SLC17A5: variants seen among roughly 807,000 people sequenced by gnomAD.
The protein encoded by SLC17A5 is sialin.
In SLC17A5, 47 loss-of-function variants were observed where a neutral mutation model predicts 59.4. The observed-to-expected ratio is 0.79, with a 90% CI of 0.63 to 1.01. SLC17A5 has a LOEUF of 1.01. Among genes scored for constraint, SLC17A5 ranks in the 50% least tolerant of loss-of-function variants. The pLI is 0.00. For synonymous variants in SLC17A5, 202 were observed against 210.7 expected, an observed-to-expected ratio of 0.96 and a Z score of 0.36; for missense variants, 522 against 595.5, an observed-to-expected ratio of 0.88 and a Z score of 1.28.
chr6:73,611,203 C>T (rs1767624681), intron 8 of SLC17A5, among the ~76,000 whole-genome samples: 2 of 152,186 alleles, frequency 1.3e-5, no homozygotes, highest in Non-Finnish European at 2.9e-5. Context: ...GCTATGATGG[C>T]ACCACTGCAC....
intron 6 of SLC17A5, among the ~76,000 whole-genome samples, chr6:73,628,915 C>T (rs749676868): frequency 6.6e-6 from 1 of 152,056 alleles, no homozygotes; most frequent in Non-Finnish European, 1.5e-5. Context: ...TTTTTCTTGT[C>T]AAATGCAAGT....
intron 9 of SLC17A5, among the ~76,000 whole-genome samples, chr6:73,607,627 AG>A (rs1346635151): frequency 6.6e-5 from 10 of 152,158 alleles, no homozygotes; most frequent in East Asian, 5.8e-4. Context: ...TCAAGAGAGC[AG>A]GGGGGGCCCT....
intron 1 of SLC17A5, chr6:73,645,668 G>A (rs1456695151): frequency 5.6e-6 from 1 of 177,596 alleles, no homozygotes; most frequent in Non-Finnish European, 1.1e-5. Flanking sequence ...GGCGCCTGTA[G>A]TCCCAGCTAC....
intron 3 of SLC17A5, among the ~76,000 whole-genome samples, chr6:73,639,255 T>C (rs745450212): frequency 1.3e-5 from 2 of 152,180 alleles, no homozygotes; most frequent in African/African-American, 2.4e-5. Context: ...ACGGCTCTCC[T>C]TGGACACTCT....
At chr6:73,596,255 C>T (rs1766794683) in intron 10 of SLC17A5, among the ~76,000 whole-genome samples, 1 of 152,150 alleles carries the variant, frequency 6.6e-6, no homozygotes, top group African/African-American at 2.4e-5. Flanking sequence ...TGCACGGTCT[C>T]CTGGGTTCTC....
At position 73,593,776 on chromosome 6, in the gene SLC17A5, T is replaced by C. The variant is rs1299095671; in HGVS notation, c.*1301A>G. On this transcript the variant is annotated 3_prime_UTR_variant, in exon 11 of 11. Coordinates refer to ENST00000355773, the MANE Select transcript of SLC17A5 (RefSeq NM_012434.5). ...AAAATTCTCGTGTAGCTTAAAAACA[T>C]AGAACAGGCTGGGCACAGTGGCTCA... The C allele has an allele frequency of 1.3e-5, 2 of 152,028 alleles. No individual in the cohort carries two copies. Among genetic ancestry groups the C allele is most frequent in the Admixed American group, 1.3e-4 (2 of 15,258 alleles). 9.4% of individuals were successfully genotyped at this position (152,028 alleles called of 1,614,324 possible). A position where few individuals can be genotyped will look rare whatever the true frequency, so the allele number is the denominator to read the frequency against.
chr6:73,621,969 A>G lies in SLC17A5; in HGVS notation c.820-7T>C. Reference sequence around the variant, plus strand: ...CTGACTTCTGTGAAGAAAGCTGAAGAAAACAGGAATAATTAGGATAAACTA... The same window carrying G: ...CTGACTTCTGTGAAGAAAGCTGAAGGAAACAGGAATAATTAGGATAAACTA... On this transcript the variant is annotated splice_polypyrimidine_tract_variant and splice_region_variant and intron_variant, in intron 6 of 10. Coordinates refer to ENST00000355773, the MANE Select transcript of SLC17A5 (RefSeq NM_012434.5). 1 of 1,613,808 alleles carries G rather than the reference A, an allele frequency of 6.2e-7. No homozygotes were observed. The highest frequency in any genetic ancestry group is 8.5e-7 in the Non-Finnish European group (1 of 1,179,744).
chr6:73,622,047 A>T (rs1269512661), intron 6 of SLC17A5, 85 bp from the exon 7 acceptor site: 45 of 1,332,470 alleles, frequency 3.4e-5, no homozygotes, highest in Non-Finnish European at 3.8e-5. Context: ...TCTATCCAGA[A>T]TTCATACAGA....
chr6:73,639,477 T>C (rs182697107), intron 3 of SLC17A5, among the ~76,000 whole-genome samples: 132 of 152,274 alleles, frequency 8.7e-4, no homozygotes, highest in African/African-American at 2.6e-3. Context: ...TTTAGGTACA[T>C]TGCAAATCAA....
intron 1 of SLC17A5, among the ~76,000 whole-genome samples, chr6:73,648,225 CAGTAA>C (rs1769677174): frequency 6.6e-6 from 1 of 152,104 alleles, no homozygotes; most frequent in Non-Finnish European, 1.5e-5. Flanking sequence ...GAAGGTATAG[CAGTAA>C]AGAAAAACAT....
chr6:73,653,075 T>G (rs921756197), intron 1 of SLC17A5: 2 of 985,382 alleles, frequency 2.0e-6, no homozygotes, highest in African/African-American at 3.5e-5. Context: ...CATAGGTATC[T>G]TGAGGATAAC....
chr6:73,639,431 T>A (rs570330741), intron 3 of SLC17A5, among the ~76,000 whole-genome samples: 3 of 152,098 alleles, frequency 2.0e-5, no homozygotes, highest in African/African-American at 7.2e-5. Context: ...ACAAAAGGAA[T>A]TAAAAAAAAG....
intron 9 of SLC17A5, among the ~76,000 whole-genome samples, chr6:73,601,799 C>T (rs1376177697): frequency 1.8e-4 from 27 of 146,980 alleles, no homozygotes; most frequent in Middle Eastern, 3.8e-3. Flanking sequence ...CCAGCCGCTC[C>T]GTCCGGGAGG....
At chr6:73,610,689 G>GA in intron 8 of SLC17A5, 142 bp from the exon 9 acceptor site, 6 of 816,118 alleles carry the variant, frequency 7.4e-6, no homozygotes, top group South Asian at 3.2e-5. Context: ...CAAATTTCAT[G>GA]AGAAAAAAAA....
intron 9 of SLC17A5, among the ~76,000 whole-genome samples, chr6:73,609,555 A>G (rs1767552666): frequency 6.6e-6 from 1 of 152,132 alleles, no homozygotes; most frequent in African/African-American, 2.4e-5. Flanking sequence ...AATTGGGTCT[A>G]CTCTTTCACA....
At chr6:73,628,188 G>A (rs748951904) in intron 6 of SLC17A5, among the ~76,000 whole-genome samples, 5 of 152,058 alleles carry the variant, frequency 3.3e-5, no homozygotes, top group Non-Finnish European at 5.9e-5. Flanking sequence ...CAAAGTGATC[G>A]GATTACAGGC....
intron 9 of SLC17A5, among the ~76,000 whole-genome samples, chr6:73,604,889 G>T (rs607132): frequency 0.11 from 16,335 of 152,152 alleles, 1,045 homozygotes; most frequent in Middle Eastern, 0.18. Flanking sequence ...TACTGACTAT[G>T]TATTGGAAAA....
intron 5 of SLC17A5, among the ~76,000 whole-genome samples, chr6:73,636,291 A>G (rs926600194): frequency 2.7e-5 from 4 of 145,502 alleles, no homozygotes; most frequent in Non-Finnish European, 5.9e-5. Context: ...AAGAAAAAAA[A>G]AAAAAAAACA....
chr6:73,621,936 C>A lies in SLC17A5; in HGVS notation c.846G>T (p.Trp282Cys). 1 of 1,613,940 alleles carries A rather than the reference C, an allele frequency of 6.2e-7. No homozygotes were observed. Among genetic ancestry groups the A allele is most frequent in the Non-Finnish European group, 8.5e-7 (1 of 1,179,948 alleles). ...NQLSSQKSVP[W>C]VPILKSLPLW... ...GTGGCAGGGATTTTAAAATGGGTACCCACGGCACTGACTTCTGTGAAGAAA... is the reference window on the plus strand; with the variant it reads ...GTGGCAGGGATTTTAAAATGGGTACACACGGCACTGACTTCTGTGAAGAAA... Residue 282 changes from tryptophan (W) to cysteine (C), a missense_variant, in exon 7 of 11, where the codon TGG (tryptophan) becomes TGT (cysteine). Coordinates refer to ENST00000355773, the MANE Select transcript of SLC17A5 (RefSeq NM_012434.5).
Sources: allele counts gnomAD v4.1 joint callset (sites outside exome capture counted in the v4.1 genomes callset), GRCh38; gene constraint gnomAD v4.1.1; transcripts MANE v1.5; gene names NCBI Gene and HGNC (gene_info 2026-07-23, HGNC 2026-07-21).